Variants in CSGALNACT1 observed in about 807,000 individuals in gnomAD.
The protein encoded by CSGALNACT1 is chondroitin sulfate N-acetylgalactosaminyltransferase 1, also known as beta4GalNAcT-1.
In CSGALNACT1, 52 loss-of-function variants were observed where a neutral mutation model predicts 51.0. That is an observed-to-expected ratio of 1.02 (90% CI 0.82 to 1.29). The LOEUF is 1.29. CSGALNACT1 is among the 50% of genes most tolerant of loss of function. The pLI is 0.00. For missense variants in CSGALNACT1, 935 were observed against 679.2 expected (o/e 1.38, Z -4.19); for synonymous variants, 341 against 254.4 (o/e 1.34, Z -3.24).
At chr8:19,594,358 T>G (rs1194867007) in intron 2 of CSGALNACT1, among the ~76,000 whole-genome samples, 1 of 152,142 alleles carries the variant, frequency 6.6e-6, no homozygotes, top group Non-Finnish European at 1.5e-5. Context: ...AAGGAATACC[T>G]AATATGTGTA....
intron 5 of CSGALNACT1, among the ~76,000 whole-genome samples, chr8:19,440,311 A>G (rs2061105229): frequency 6.6e-6 from 1 of 152,124 alleles, no homozygotes; most frequent in South Asian, 2.1e-4. Context: ...TGATGCAAAA[A>G]TCCTCAATAA....
intron 6 of CSGALNACT1, among the ~76,000 whole-genome samples, chr8:19,425,100 T>A (rs371917468): frequency 6.6e-6 from 1 of 152,174 alleles, no homozygotes; most frequent in Non-Finnish European, 1.5e-5. Flanking sequence ...TCTAGCACTT[T>A]GGGAGGCCGA....
chr8:19,604,914 C>CA (rs576342135), upstream of CSGALNACT1, among the ~76,000 whole-genome samples: 11,333 of 64,136 alleles, frequency 0.18, 865 homozygotes, highest in Middle Eastern at 0.28. Flanking sequence ...GACTCTGTCT[C>CA]AAAAAAAAAA....
At chr8:19,513,796 T>C (rs2078956389) in intron 3 of CSGALNACT1, among the ~76,000 whole-genome samples, 1 of 152,100 alleles carries the variant, frequency 6.6e-6, no homozygotes, top group Admixed American at 6.5e-5. Flanking sequence ...AACACTATGG[T>C]ATTTGTGTAT....
chr8:19,526,644 A>G (rs575881005), intron 3 of CSGALNACT1, among the ~76,000 whole-genome samples: 6 of 152,248 alleles, frequency 3.9e-5, no homozygotes, highest in South Asian at 4.1e-4. Context: ...TATTTGACTG[A>G]TAAAGATATT....
At chr8:19,481,803 G>T (rs1411708367) in intron 4 of CSGALNACT1, among the ~76,000 whole-genome samples, 1 of 152,112 alleles carries the variant, frequency 6.6e-6, no homozygotes, top group South Asian at 2.1e-4. Context: ...CCAGACTTAA[G>T]CCAACAAACA....
chr8:19,429,947 T>G (rs948308080), intron 6 of CSGALNACT1, among the ~76,000 whole-genome samples: 4 of 152,240 alleles, frequency 2.6e-5, no homozygotes, highest in Non-Finnish European at 5.9e-5. Flanking sequence ...GTAGGTTTCA[T>G]TTGCATTTTT....
chr8:19,679,185 G>T (rs1231856340), intron 1 of CSGALNACT1, among the ~76,000 whole-genome samples: 1 of 152,210 alleles, frequency 6.6e-6, no homozygotes, highest in East Asian at 1.9e-4. Context: ...GGGTGCAGTG[G>T]CTCACACCTC....
intron 1 of CSGALNACT1, among the ~76,000 whole-genome samples, chr8:19,644,099 A>T (rs1213882664): frequency 6.6e-6 from 1 of 152,206 alleles, no homozygotes; most frequent in Non-Finnish European, 1.5e-5. Context: ...GTCTAACATT[A>T]AAATTATGTT....
At chr8:19,598,363 T>C (rs1015961355) in intron 2 of CSGALNACT1, among the ~76,000 whole-genome samples, 2 of 152,074 alleles carry the variant, frequency 1.3e-5, no homozygotes, top group African/African-American at 2.4e-5. Context: ...CAGTGAAAGG[T>C]GACACTGATT....
chr8:19,539,485 G>A (rs564713885), intron 3 of CSGALNACT1, among the ~76,000 whole-genome samples: 71 of 152,294 alleles, frequency 4.7e-4, no homozygotes, highest in African/African-American at 1.7e-3. Context: ...AGAAAGCACT[G>A]AATAAGTACG....
chr8:19,716,612 CAAAAAA>C (rs60464594), intron 1 of CSGALNACT1, among the ~76,000 whole-genome samples: 534 of 41,954 alleles, frequency 0.013, 1 homozygote, highest in African/African-American at 0.035. Flanking sequence ...ACCCTCTCTA[CAAAAAA>C]AAAAAAAAAA....
chr8:19,429,977 ACC>A (rs2059402019), intron 6 of CSGALNACT1, among the ~76,000 whole-genome samples: 1 of 152,130 alleles, frequency 6.6e-6, no homozygotes, highest in Non-Finnish European at 1.5e-5. Context: ...AATGATGTTG[ACC>A]ATCTTGTCCT....
intron 1 of CSGALNACT1, among the ~76,000 whole-genome samples, chr8:19,714,870 T>G (rs533945193): frequency 6.6e-6 from 1 of 152,232 alleles, no homozygotes; most frequent in East Asian, 1.9e-4. Flanking sequence ...AATACCCAGG[T>G]AATAAGCGTA....
upstream of CSGALNACT1, chr8:19,602,733 G>C (rs532653474): frequency 6.6e-6 from 1 of 152,282 alleles, no homozygotes; most frequent in East Asian, 1.9e-4. Context: ...GGAGGAAACC[G>C]ATGTGTCAAC....
chr8:19,695,836 A>G, intron 1 of CSGALNACT1, among the ~76,000 whole-genome samples: 1 of 152,188 alleles, frequency 6.6e-6, no homozygotes. Context: ...TAATATTTCT[A>G]AATGATCCAG....
intron 7 of CSGALNACT1, 126 bp from the exon 7 acceptor site, chr8:19,418,876 TCTCA>T (rs1413648874): frequency 8.4e-6 from 6 of 716,502 alleles, no homozygotes; most frequent in Admixed American, 4.0e-5. Context: ...TGAGAGGCAG[TCTCA>T]CTGTCACCCA....
At chr8:19,439,152 C>T (rs971427530) in intron 6 of CSGALNACT1, among the ~76,000 whole-genome samples, 1 of 152,200 alleles carries the variant, frequency 6.6e-6, no homozygotes, top group Non-Finnish European at 1.5e-5. Flanking sequence ...ATGGGGATTA[C>T]TTATTCATTT....
At chr8:19,548,906 C>A (rs1405414211) in intron 3 of CSGALNACT1, among the ~76,000 whole-genome samples, 1 of 152,186 alleles carries the variant, frequency 6.6e-6, no homozygotes, top group Non-Finnish European at 1.5e-5. Context: ...GCAGCTCCCG[C>A]CTCCCAGGCT....
Sources: gnomAD v4.1 joint callset for allele counts (sites outside exome capture counted in the v4.1 genomes callset) on GRCh38, gnomAD v4.1.1 for gene constraint, MANE v1.5 for transcripts, NCBI Gene and HGNC (gene_info 2026-07-23, HGNC 2026-07-21) for gene names.